SLC36A1: variants seen among roughly 807,000 people sequenced by gnomAD.
SLC36A1 encodes the protein proton-coupled amino acid transporter 1.
Under a neutral mutation model 47.5 loss-of-function variants are expected in SLC36A1, and 30 were observed. The observed-to-expected ratio is 0.63, with a 90% CI of 0.47 to 0.86. SLC36A1 has a LOEUF of 0.86. Ranked by LOEUF, SLC36A1 falls within the 40% of genes least tolerant of loss-of-function variation. SLC36A1 has a pLI of 0.00. For synonymous variants in SLC36A1, 255 were observed against 249.7 expected, an observed-to-expected ratio of 1.02 and a Z score of -0.20; for missense variants, 517 against 606.0, an observed-to-expected ratio of 0.85 and a Z score of 1.54.
upstream of SLC36A1, among the ~76,000 whole-genome samples, chr5:151,433,569 G>T (rs1759586528): frequency 6.6e-6 from 1 of 151,398 alleles, no homozygotes; most frequent in Admixed American, 6.6e-5. Context: ...GGGATTACAG[G>T]CCTGAGCCAC....
the SLC36A1 span, among the ~76,000 whole-genome samples, chr5:151,501,968 A>C: frequency 6.7e-6 from 1 of 148,448 alleles, no homozygotes; most frequent in Admixed American, 6.6e-5. Flanking sequence ...TTTTAAATAA[A>C]ACACCGAGGG....
chr5:151,390,859 C>A, the SLC36A1 span, among the ~76,000 whole-genome samples: 1 of 152,228 alleles, frequency 6.6e-6, no homozygotes, highest in Non-Finnish European at 1.5e-5. Flanking sequence ...CAGCTTTGTT[C>A]TTTTGGCTTA....
chr5:151,513,834 T>A, the SLC36A1 span, among the ~76,000 whole-genome samples: 27 of 152,372 alleles, frequency 1.8e-4, no homozygotes, highest in South Asian at 3.5e-3. Context: ...AATACATTTT[T>A]AAATATCTCA....
the SLC36A1 span, among the ~76,000 whole-genome samples, chr5:151,499,637 C>T: frequency 1.1e-4 from 16 of 152,298 alleles, no homozygotes; most frequent in Admixed American, 2.6e-4. Flanking sequence ...ATGCCTGCCT[C>T]GGAGATCCCA....
the SLC36A1 span, chr5:151,542,135 G>A: frequency 1.5e-6 from 1 of 652,810 alleles, no homozygotes; most frequent in South Asian, 2.1e-5. Flanking sequence ...GTCTATAGGT[G>A]GAGAAACTGA....
chr5:151,506,395 A>G, the SLC36A1 span, among the ~76,000 whole-genome samples: 1 of 152,224 alleles, frequency 6.6e-6, no homozygotes, highest in Non-Finnish European at 1.5e-5. Flanking sequence ...CCACAGCTGG[A>G]TACAGTAACT....
the SLC36A1 span, among the ~76,000 whole-genome samples, chr5:151,393,605 C>T: frequency 1.3e-5 from 2 of 152,274 alleles, no homozygotes; most frequent in South Asian, 4.1e-4. Context: ...CTGGTGATGA[C>T]TAAATCTCTC....
intron 1 of SLC36A1, among the ~76,000 whole-genome samples, chr5:151,437,440 A>C (rs949418866): frequency 6.6e-6 from 1 of 152,184 alleles, no homozygotes; most frequent in Non-Finnish European, 1.5e-5. Context: ...TTTTAGGACT[A>C]TCTTTCTGTT....
chr5:151,512,169 C>T, the SLC36A1 span: 2 of 1,611,460 alleles, frequency 1.2e-6, no homozygotes, highest in Non-Finnish European at 1.7e-6. The surrounding 1 kb of genome is among the most constrained non-coding windows in gnomAD (Gnocchi z 4.1). Flanking sequence ...CCTCACCTGC[C>T]CCATGGGTCC....
intron 7 of SLC36A1, among the ~76,000 whole-genome samples, chr5:151,472,756 T>G (rs1757494305): frequency 6.6e-6 from 1 of 152,240 alleles, no homozygotes; most frequent in African/African-American, 2.4e-5. Context: ...GCTTTATCTT[T>G]GATGTTTATG....
Position 151,464,498 on chromosome 5 carries a change from C to G in SLC36A1, c.235-16C>G. 1 of 1,608,250 alleles carries G rather than the reference C, an allele frequency of 6.2e-7. No homozygotes were observed. The highest frequency in any genetic ancestry group is 8.5e-7 in the Non-Finnish European group (1 of 1,175,400). On this transcript the variant is annotated splice_polypyrimidine_tract_variant and intron_variant, in intron 3 of 10. Coordinates refer to ENST00000243389, the MANE Select transcript of SLC36A1 (RefSeq NM_078483.4). ...TACTTTTCTCTCTCTCTTTTGCCTGCAATATCTGTCCCCAGATGGGTCCCA... is the reference window on the plus strand; with the variant it reads ...TACTTTTCTCTCTCTCTTTTGCCTGGAATATCTGTCCCCAGATGGGTCCCA...
chr5:151,480,119 G>T (rs1249381086), intron 10 of SLC36A1: 1 of 1,471,618 alleles, frequency 6.8e-7, no homozygotes, highest in Non-Finnish European at 8.9e-7. Context: ...GTGACATTTA[G>T]AAAATAAAAG....
At chr5:151,533,745 A>G in the SLC36A1 span, among the ~76,000 whole-genome samples, 1 of 151,710 alleles carries the variant, frequency 6.6e-6, no homozygotes, top group Non-Finnish European at 1.5e-5. Flanking sequence ...ACACACATAC[A>G]TATATATATG....
the SLC36A1 span, chr5:151,553,198 G>C: frequency 6.2e-7 from 1 of 1,614,138 alleles, no homozygotes; most frequent in Non-Finnish European, 8.5e-7. Context: ...AACCAGAAGA[G>C]TCCGGGTCTG....
the SLC36A1 span, among the ~76,000 whole-genome samples, chr5:151,357,720 C>T: frequency 6.6e-6 from 1 of 152,204 alleles, no homozygotes; most frequent in Non-Finnish European, 1.5e-5. Flanking sequence ...AAATATTTAC[C>T]ATCTGGCTCT....
intron 10 of SLC36A1, among the ~76,000 whole-genome samples, chr5:151,483,941 G>C (rs1325965965): frequency 6.6e-6 from 1 of 152,132 alleles, no homozygotes; most frequent in African/African-American, 2.4e-5. Flanking sequence ...GGAGAGAAAT[G>C]TTCTTAAAAT....
At chr5:151,506,120 G>C in the SLC36A1 span, 16 of 1,488,742 alleles carry the variant, frequency 1.1e-5, no homozygotes, top group Non-Finnish European at 1.4e-5. Context: ...AGCAAGATAG[G>C]GTGAGCTCAT....
At chr5:151,481,470 C>T (rs916183249) in intron 10 of SLC36A1, among the ~76,000 whole-genome samples, 3 of 152,146 alleles carry the variant, frequency 2.0e-5, no homozygotes, top group Non-Finnish European at 4.4e-5. Flanking sequence ...CTTTCAGCAC[C>T]GTTGGTTAGT....
the SLC36A1 span, among the ~76,000 whole-genome samples, chr5:151,499,027 C>T: frequency 3.3e-5 from 5 of 152,324 alleles, no homozygotes; most frequent in South Asian, 8.3e-4. Context: ...GGGCTAATTA[C>T]GTATCTGAAA....
Sources: gnomAD v4.1 joint callset for allele counts (sites outside exome capture counted in the v4.1 genomes callset) on GRCh38, gnomAD v4.1.1 for gene constraint, Gnocchi (gnomAD v3.1) non-coding constraint, MANE v1.5 for transcripts, NCBI Gene and HGNC (gene_info 2026-07-23, HGNC 2026-07-21) for gene names.